The following NSUN4 variants were observed in gnomAD, a reference collection of about 807,000 sequenced individuals.
The protein encoded by NSUN4 is 5-cytosine rRNA methyltransferase NSUN4.
Under a neutral mutation model 43.8 loss-of-function variants are expected in NSUN4, and 31 were observed. That is an observed-to-expected ratio of 0.71 (90% CI 0.53 to 0.96). NSUN4 has a LOEUF of 0.96. Among genes scored for constraint, NSUN4 ranks in the 40% least tolerant of loss-of-function variants. The pLI is 0.00. For synonymous variants in NSUN4, 167 were observed against 184.1 expected (o/e 0.91, Z 0.75); for missense variants, 439 against 475.6 (o/e 0.92, Z 0.72).
At chr1:46,385,152 G>A in the NSUN4 span, among the ~76,000 whole-genome samples, 1 of 152,048 alleles carries the variant, frequency 6.6e-6, no homozygotes, top group African/African-American at 2.4e-5. Context: ...CTTTATATTA[G>A]TGTGTTATTA....
chr1:46,351,413 G>A (rs1271102159), intron 3 of NSUN4, among the ~76,000 whole-genome samples: 4 of 152,128 alleles, frequency 2.6e-5, no homozygotes, highest in Non-Finnish European at 5.9e-5. Context: ...CCAAAAAATT[G>A]GGGTTCTATT....
chr1:46,345,699 A>G (rs1662438655), intron 2 of NSUN4, among the ~76,000 whole-genome samples: 1 of 152,216 alleles, frequency 6.6e-6, no homozygotes. Flanking sequence ...GGGAAAAAGA[A>G]AGGAGAAGTT....
intron 5 of NSUN4, 52 bp from the exon 6 acceptor site, chr1:46,361,518 T>G: frequency 6.4e-7 from 1 of 1,553,818 alleles, no homozygotes; most frequent in Non-Finnish European, 8.8e-7. Context: ...ATGTTGCTCT[T>G]CTACTGCTGG....
chr1:46,341,691 T>C (rs1188936773), intron 1 of NSUN4: 14 of 1,229,866 alleles, frequency 1.1e-5, no homozygotes, highest in Non-Finnish European at 1.4e-5. Context: ...GTCTTTTGAG[T>C]CCTCTTCCCC....
At chr1:46,343,831 C>A (rs1264029155) in intron 1 of NSUN4, 13 of 400,582 alleles carry the variant, frequency 3.2e-5, no homozygotes, top group Non-Finnish European at 5.3e-5. Context: ...GAGCAAGAGT[C>A]CCCAACATGG....
intron 1 of NSUN4, chr1:46,342,850 CCAAGCCCG>C (rs1281359446): frequency 2.5e-6 from 1 of 400,176 alleles, no homozygotes; most frequent in Non-Finnish European, 4.4e-6. Context: ...TCTGGCCAGC[CCAAGCCCG>C]CTAAGGCCCA....
At position 46,362,650 on chromosome 1, in the gene NSUN4, G is replaced by GGGCTTCCTCATCCTT. The variant is rs1663953431; in HGVS notation, c.*805_*819dup. On this transcript the variant is annotated 3_prime_UTR_variant, in exon 6 of 6. Transcript: ENST00000474844. ...GCAGTTGGGATTGTGGGAGATTACT[G>GGGCTTCCTCATCCTT]GGCTTCCTCATCCTTTAGAATGGTA... 1 of 152,128 alleles carries GGGCTTCCTCATCCTT rather than the reference G, an allele frequency of 6.6e-6. No homozygotes were observed. Among genetic ancestry groups the GGGCTTCCTCATCCTT allele is most frequent in the Non-Finnish European group, 1.5e-5 (1 of 68,046 alleles). The allele number at this position is 152,128 out of a possible 1,614,324, so 9.4% of individuals were successfully genotyped here.
downstream of NSUN4, among the ~76,000 whole-genome samples, chr1:46,368,869 A>G (rs918074780): frequency 6.6e-6 from 1 of 152,124 alleles, no homozygotes. Flanking sequence ...CCTGAGCAAC[A>G]TAGGGAGAAC....
intron 4 of NSUN4, 38 bp from the exon 5 acceptor site, chr1:46,360,666 A>C: frequency 6.2e-7 from 1 of 1,606,200 alleles, no homozygotes; most frequent in Non-Finnish European, 8.5e-7. Flanking sequence ...GAAGCCTATA[A>C]GGATCTTTAA....
the NSUN4 span, among the ~76,000 whole-genome samples, chr1:46,373,981 G>A: frequency 5.9e-5 from 9 of 151,954 alleles, no homozygotes; most frequent in East Asian, 1.9e-4. Context: ...CAAAATTACC[G>A]TTAGAAATAA....
chr1:46,349,989 C>G (rs144805184), intron 3 of NSUN4, among the ~76,000 whole-genome samples: 1 of 152,138 alleles, frequency 6.6e-6, no homozygotes, highest in Admixed American at 6.6e-5. Flanking sequence ...CCTCATCAAG[C>G]GACAACTCTT....
rs1322773403 is a variant in NSUN4 at position 46,363,892 on chromosome 1, G to GT, written c.*2052dup. 2.6e-5 allele frequency: 4 copies of GT among 152,078 alleles called. No individual in the cohort carries two copies. The highest frequency in any genetic ancestry group is 3.8e-4 in the East Asian group (2 of 5,200). The allele number at this position is 152,078 out of a possible 1,614,324, so 9.4% of individuals were successfully genotyped here. A position where few individuals can be genotyped will look rare whatever the true frequency, so the allele number is the denominator to read the frequency against. ...GCATGATGCCCTTTCTAAATGAAAGGTTTTTTCTTTTCTATGGAGTTATTC... is the reference window on the plus strand; with the variant it reads ...GCATGATGCCCTTTCTAAATGAAAGGTTTTTTTCTTTTCTATGGAGTTATTC... On this transcript the variant is annotated 3_prime_UTR_variant, in exon 6 of 6. Coordinates refer to ENST00000474844, the MANE Select transcript of NSUN4 (RefSeq NM_199044.4).
chr1:46,370,719 A>T, the NSUN4 span: 2 of 152,242 alleles, frequency 1.3e-5, no homozygotes, highest in Non-Finnish European at 2.9e-5. Context: ...CTCATCAAAG[A>T]AAAGGTGTCC....
intron 4 of NSUN4, among the ~76,000 whole-genome samples, chr1:46,357,218 C>T (rs1050321080): frequency 6.6e-5 from 10 of 152,198 alleles, no homozygotes; most frequent in African/African-American, 1.7e-4. Context: ...TCACTCCCAT[C>T]GCCCAGGCTG....
chr1:46,342,035 GCCT>G (rs1183367294), intron 1 of NSUN4: 1 of 1,068,124 alleles, frequency 9.4e-7, no homozygotes, highest in African/African-American at 1.6e-5. Flanking sequence ...CCATGATTTC[GCCT>G]CCTCCTACAC....
the NSUN4 span, among the ~76,000 whole-genome samples, chr1:46,381,757 G>A: frequency 1.3e-5 from 2 of 152,314 alleles, no homozygotes; most frequent in South Asian, 4.1e-4. Flanking sequence ...TGAATGGTGA[G>A]TTGAGGGCTA....
At chr1:46,367,105 A>G (rs1664154716), downstream of NSUN4, among the ~76,000 whole-genome samples, 1 of 152,204 alleles carries the variant, frequency 6.6e-6, no homozygotes, top group South Asian at 2.1e-4. Context: ...CCTTTGGATT[A>G]GAAGATCTCA....
At chr1:46,356,804 C>T (rs1205469967) in intron 4 of NSUN4, among the ~76,000 whole-genome samples, 1 of 152,162 alleles carries the variant, frequency 6.6e-6, no homozygotes, top group Non-Finnish European at 1.5e-5. Flanking sequence ...GGGACAGGAC[C>T]TCAGAGCTCT....
the NSUN4 span, among the ~76,000 whole-genome samples, chr1:46,383,809 T>C: frequency 5.3e-5 from 8 of 152,096 alleles, no homozygotes; most frequent in Non-Finnish European, 1.5e-5. Flanking sequence ...CACTCAAATA[T>C]AAAATTTTCT....
Sources: gnomAD v4.1 joint callset for allele counts (sites outside exome capture counted in the v4.1 genomes callset) on GRCh38, gnomAD v4.1.1 for gene constraint, MANE v1.5 for transcripts, NCBI Gene and HGNC (gene_info 2026-07-23, HGNC 2026-07-21) for gene names.